The following SIPA1L2 variants were observed in gnomAD, a reference collection of about 807,000 sequenced individuals.
The protein encoded by SIPA1L2 is signal-induced proliferation-associated 1-like protein 2.
A neutral mutation model predicts 163.9 loss-of-function variants in SIPA1L2; 56 were observed. That is an observed-to-expected ratio of 0.34 (90% confidence interval 0.28 to 0.43). SIPA1L2 has a LOEUF of 0.43. SIPA1L2 is among the 20% of genes least tolerant of loss of function. The pLI is 1.00. For synonymous variants in SIPA1L2, 877 were observed against 865.7 expected (o/e 1.01, Z -0.23); for missense variants, 1,974 against 2,193.5 (o/e 0.90, Z 2.00).
chr1:232,571,290 T>C (rs1330650909), intron 2 of SIPA1L2, among the ~76,000 whole-genome samples: 4 of 152,154 alleles, frequency 2.6e-5, no homozygotes, highest in Admixed American at 2.0e-4. Context: ...AATGAGAAGA[T>C]GTCTACAATA....
intron 15 of SIPA1L2, among the ~76,000 whole-genome samples, chr1:232,435,445 T>A (rs571158964): frequency 6.6e-6 from 1 of 152,370 alleles, no homozygotes; most frequent in South Asian, 2.1e-4. Flanking sequence ...CTGATGCTGA[T>A]AACATTCTAG....
chr1:232,432,767 G>A (rs1424815297), intron 15 of SIPA1L2, among the ~76,000 whole-genome samples: 1 of 152,172 alleles, frequency 6.6e-6, no homozygotes, highest in African/African-American at 2.4e-5. Context: ...CTTCAAAAGA[G>A]AACAAACTCA....
At chr1:232,471,710 A>C (rs1182259892) in intron 7 of SIPA1L2, among the ~76,000 whole-genome samples, 182 bp from the exon 8 acceptor site, 2 of 152,230 alleles carry the variant, frequency 1.3e-5, no homozygotes, top group African/African-American at 4.8e-5. Context: ...AGACCCGTGG[A>C]AAGAAAAGCC....
chr1:232,623,046 G>A (rs1476112025), intron 1 of SIPA1L2, among the ~76,000 whole-genome samples: 2 of 152,232 alleles, frequency 1.3e-5, no homozygotes, highest in Admixed American at 6.5e-5. Flanking sequence ...TATTAAAATC[G>A]AACAGGAGGA....
chr1:232,603,888 C>T (rs564341336), intron 1 of SIPA1L2, among the ~76,000 whole-genome samples: 2 of 151,958 alleles, frequency 1.3e-5, no homozygotes, highest in Non-Finnish European at 2.9e-5. Context: ...CTATTTTTGA[C>T]GACTAAGTAA....
intron 2 of SIPA1L2, among the ~76,000 whole-genome samples, chr1:232,558,630 C>T (rs1658859797): frequency 6.6e-6 from 1 of 152,100 alleles, no homozygotes; most frequent in Non-Finnish European, 1.5e-5. Flanking sequence ...CTCAGTGCAC[C>T]CCCAAACAAA....
intron 2 of SIPA1L2, among the ~76,000 whole-genome samples, chr1:232,530,880 A>C (rs1285083269): frequency 6.6e-6 from 1 of 152,214 alleles, no homozygotes; most frequent in Non-Finnish European, 1.5e-5. Context: ...ACCATCTTCC[A>C]TTTAAGCAGC....
chr1:232,464,718 G>C (rs1032338654), intron 9 of SIPA1L2, 122 bp downstream of exon 9: 1 of 809,904 alleles, frequency 1.2e-6, no homozygotes, highest in Non-Finnish European at 1.9e-6. Flanking sequence ...CTCTGTATCT[G>C]TAACAAATAG....
In SIPA1L2 at chr1:232,467,273, T is replaced by C. The variant is rs140542268; in HGVS notation, c.2244-1857A>G. On this transcript the variant is annotated intron_variant, in intron 8 of 22. Coordinates refer to ENST00000674635, the MANE Select transcript of SIPA1L2 (RefSeq NM_020808.5). The stretch of plus-strand genomic sequence containing the variant: ...CACCGAACTCATCAATAGCACCTAG[T>C]GGTGCTTTATGGTAGTATATATACC... Among the ~76,000 whole-genome samples, 472 of 152,290 alleles carry C rather than the reference T, an allele frequency of 3.1e-3. 1 individual carries two copies. The highest frequency in any genetic ancestry group is 5.2e-3 in the Non-Finnish European group (353 of 68,034).
chr1:232,563,783 C>A (rs1659181171), intron 2 of SIPA1L2, among the ~76,000 whole-genome samples: 1 of 142,026 alleles, frequency 7.0e-6, no homozygotes, highest in Non-Finnish European at 1.5e-5. Context: ...GGCATGATCT[C>A]CGCTTCCTGC....
chr1:232,445,417 T>G, intron 11 of SIPA1L2, 112 bp downstream of exon 11: 1 of 1,488,772 alleles, frequency 6.7e-7, no homozygotes, highest in Non-Finnish European at 9.1e-7. Flanking sequence ...CTTGCCAACT[T>G]GCTGTGAACA....
At chr1:232,609,690 T>A (rs1573170664) in intron 1 of SIPA1L2, among the ~76,000 whole-genome samples, 1 of 150,246 alleles carries the variant, frequency 6.7e-6, no homozygotes, top group Admixed American at 6.6e-5. Flanking sequence ...ATTAGCTGGG[T>A]GTGGTGGTGG....
At chr1:232,405,112 G>GC (rs559452933) in intron 19 of SIPA1L2, among the ~76,000 whole-genome samples, 159 of 152,314 alleles carry the variant, frequency 1.0e-3, no homozygotes, top group African/African-American at 3.8e-3. Context: ...AATTAAAAAG[G>GC]ATGGTCACAT....
rs138643065 is a variant in SIPA1L2, at chr1:232,406,257, T to C, written c.4763-2079A>G. Among the ~76,000 whole-genome samples the C allele has an allele frequency of 1.3e-4, 20 of 152,204 alleles. No homozygotes were observed. In the East Asian group the frequency reaches 3.3e-3, roughly 25 times the overall value. ...CCATCAGAAAAGACAGGCACAAGAA[T>C]AGGAGCTTCATGTACGTGGTCACGG... On this transcript the variant is annotated intron_variant, in intron 19 of 22. Coordinates refer to ENST00000674635, the MANE Select transcript of SIPA1L2 (RefSeq NM_020808.5).
chr1:232,471,455 G>A lies in SIPA1L2; in HGVS notation c.2159C>T (p.Thr720Ile). 6.2e-7 allele frequency: 1 copy of A among 1,614,100 alleles called. No homozygotes were observed. Among genetic ancestry groups the A allele is most frequent in the Non-Finnish European group, 8.5e-7 (1 of 1,179,974 alleles). The change falls in exon 8 of 23, where the codon ACT (threonine) becomes ATT (isoleucine). Residue 720 changes from threonine to isoleucine, a missense_variant. By Grantham distance (89) the Thr-to-Ile change is moderately conservative. Coordinates refer to ENST00000674635, the MANE Select transcript of SIPA1L2 (RefSeq NM_020808.5). ...AAAGTGAGACCGGATGCTTTTTGGA[G>A]TAAAAGGAAGTGCCCCAGGCTCCTG... ...VFQEPGALPF[T>I]PKSIRSHFQH...
Position 232,514,118 on chromosome 1 carries a change from T to G in SIPA1L2, c.1222A>C (p.Ser408Arg). 6.2e-7 allele frequency: 1 copy of G among 1,614,210 alleles called. No individual in the cohort carries two copies. The highest frequency in any genetic ancestry group is 8.5e-7 in the Non-Finnish European group (1 of 1,180,032). ...GDGKSNDLVL[S>R]CPYFRNETGG... ...GTCTCATTTCTAAAGTAAGGACAACTAAGGACGAGGTCGTTACTTTTCCCA... is the reference window on the plus strand; with the variant it reads ...GTCTCATTTCTAAAGTAAGGACAACGAAGGACGAGGTCGTTACTTTTCCCA... The change falls in exon 3 of 23, where the codon AGT becomes CGT. Residue 408 changes from serine to arginine, a missense_variant. Around this residue, in one of 3 missense-constraint regions of SIPA1L2, gnomAD observed 607 missense variants for 624.0 expected, o/e 0.97. Transcript: ENST00000674635.
At chr1:232,430,158 A>G (rs1301558096) in intron 16 of SIPA1L2, among the ~76,000 whole-genome samples, 4 of 152,184 alleles carry the variant, frequency 2.6e-5, no homozygotes, top group Admixed American at 2.6e-4. Flanking sequence ...GGGTGTGTGC[A>G]TGTGGTATGT....
chr1:232,404,327 A>G (rs1203025547), intron 19 of SIPA1L2, 149 bp from the exon 20 acceptor site: 25 of 650,448 alleles, frequency 3.8e-5, no homozygotes, highest in African/African-American at 5.4e-5. Context: ...TGTAACTCCA[A>G]TGCAATGAGA....
chr1:232,470,631 A>C (rs12753215), intron 8 of SIPA1L2, among the ~76,000 whole-genome samples: 25,536 of 152,230 alleles, frequency 0.17, 2,421 homozygotes, highest in Non-Finnish European at 0.21. Flanking sequence ...CAGGAACTCC[A>C]ATAGGTGTTT....
Sources: gnomAD v4.1 joint callset for allele counts (sites outside exome capture counted in the v4.1 genomes callset) on GRCh38, gnomAD v4.1.1 for gene constraint, gnomAD v4.1.1 regional missense constraint, MANE v1.5 for transcripts, NCBI Gene and HGNC (gene_info 2026-07-23, HGNC 2026-07-21) for gene names.